The following NAT1 variants were observed in gnomAD, a reference collection of about 807,000 sequenced individuals.
The protein encoded by NAT1 is arylamine N-acetyltransferase 1.
For missense variants in NAT1, 400 were observed against 339.2 expected (o/e 1.18, Z -1.41); for synonymous variants, 144 against 122.6 (o/e 1.17, Z -1.16).
At position 18,193,383 on chromosome 8, in the gene NAT1, G is replaced by A. The variant is rs1803095149; in HGVS notation, n.93-16398G>A. Among the ~76,000 whole-genome samples, 4 of 149,620 alleles carry A rather than the reference G, an allele frequency of 2.7e-5. No homozygotes were observed. The Admixed American group carries it at 2.7e-4, about 10-fold the overall frequency. On this transcript the variant is annotated intron_variant and non_coding_transcript_variant, in intron 2 of 4. Coordinates refer to the NAT1 transcript ENST00000517441. ...AAGGCAGGAAGACTGCTTGAGCCTG[G>A]GAGGCAGGGGTTGCAGTGAGCTGAG...
chr8:18,185,528 T>G (rs1032961607), intron 2 of NAT1, among the ~76,000 whole-genome samples: 8 of 152,298 alleles, frequency 5.3e-5, no homozygotes, highest in African/African-American at 1.9e-4. Context: ...TTGGTCTTTG[T>G]GCGTTCCCTC....
At chr8:18,186,128 T>A (rs1231754106) in intron 2 of NAT1, among the ~76,000 whole-genome samples, 25 of 151,864 alleles carry the variant, frequency 1.6e-4, no homozygotes, top group Admixed American at 1.6e-3. Flanking sequence ...GAGTCAAGTT[T>A]GTTAGCCATG....
intron 2 of NAT1, among the ~76,000 whole-genome samples, chr8:18,177,577 G>A (rs866752133): frequency 4.6e-5 from 7 of 152,074 alleles, no homozygotes; most frequent in South Asian, 2.1e-4. Flanking sequence ...ACAATAATGG[G>A]TTAGTGTTTT....
rs1449628038 is a variant in NAT1 at position 18,221,877 on chromosome 8, G to A, written c.-6-165G>A. On this transcript the variant is annotated intron_variant, in intron 2 of 2. Coordinates refer to ENST00000307719, the MANE Select transcript of NAT1 (RefSeq NM_000662.8). ...TCACAGGATTCTGGGACTATTAACT[G>A]AACTTATGTGTGTAAAAGGAATTCA... 3.7e-5 allele frequency: 25 copies of A among 680,022 alleles called. No homozygotes were observed. The East Asian group carries it at 6.6e-4, about 18-fold the overall frequency. The allele number at this position is 680,022 out of a possible 1,614,324, so 42.1% of individuals were successfully genotyped here.
upstream of NAT1, among the ~76,000 whole-genome samples, chr8:18,207,316 A>G (rs1329687837): frequency 6.6e-6 from 1 of 152,106 alleles, no homozygotes; most frequent in African/African-American, 2.4e-5. Flanking sequence ...GGATGCCTCC[A>G]GCTTTGTTCT....
At chr8:18,205,668 A>G (rs962622096), upstream of NAT1, among the ~76,000 whole-genome samples, 26 of 152,314 alleles carry the variant, frequency 1.7e-4, no homozygotes, top group African/African-American at 6.0e-4. Flanking sequence ...ATTCAGACAC[A>G]TGCCAGCAAA....
In NAT1 at chr8:18,210,130, G is replaced by A. The variant is rs899598542; in HGVS notation, c.-136G>A. On this transcript the variant is annotated 5_prime_UTR_variant, in exon 1 of 3. In the 5' UTR this introduces an upstream ATG that the reference lacks. Transcript: ENST00000307719. ...GAGCACTTCCTCATAGACCTTGGAT[G>A]TGGGAGGATTGCATTCAGTCTAGTT... The A allele has an allele frequency of 6.6e-6, 1 of 152,214 alleles. No individual in the cohort carries two copies. Among genetic ancestry groups the A allele is most frequent in the Admixed American group, 6.5e-5 (1 of 15,290 alleles). The allele number at this position is 152,214 out of a possible 1,614,324, so 9.4% of individuals were successfully genotyped here.
chr8:18,205,858 G>C (rs28739048), upstream of NAT1, among the ~76,000 whole-genome samples: 794 of 152,280 alleles, frequency 5.2e-3, 10 homozygotes, highest in African/African-American at 0.018. Context: ...GCCAGGCTGG[G>C]GCCCTGGGAG....
chr8:18,173,575 A>C (rs1271106370), intron 2 of NAT1, among the ~76,000 whole-genome samples: 1 of 152,158 alleles, frequency 6.6e-6, no homozygotes, highest in East Asian at 1.9e-4. Context: ...TGAGGCACAG[A>C]AAATAGTCTC....
intron 1 of NAT1, among the ~76,000 whole-genome samples, chr8:18,211,022 C>T (rs1301756531): frequency 6.6e-6 from 1 of 152,156 alleles, no homozygotes; most frequent in South Asian, 2.1e-4. Context: ...CTAGGCTCAT[C>T]TCGAACTCCT....
intron 1 of NAT1, among the ~76,000 whole-genome samples, chr8:18,217,807 T>C (rs1804836809): frequency 6.6e-6 from 1 of 152,182 alleles, no homozygotes; most frequent in African/African-American, 2.4e-5. Flanking sequence ...TCCTGCTTTG[T>C]TTCTTTACAG....
intron 2 of NAT1, among the ~76,000 whole-genome samples, chr8:18,182,359 T>G (rs958242451): frequency 6.6e-6 from 1 of 152,224 alleles, no homozygotes; most frequent in Admixed American, 6.5e-5. Context: ...TTATACATAC[T>G]ATTAGTGCAT....
chr8:18,184,589 A>C (rs34703777), intron 2 of NAT1, among the ~76,000 whole-genome samples: 1 of 152,238 alleles, frequency 6.6e-6, no homozygotes, highest in African/African-American at 2.4e-5. Context: ...ATCAAGAATA[A>C]CAATAATTAA....
At chr8:18,190,297 G>A (rs180942674) in intron 2 of NAT1, among the ~76,000 whole-genome samples, 4 of 152,330 alleles carry the variant, frequency 2.6e-5, no homozygotes, top group Admixed American at 1.3e-4. Context: ...GTGTGAAAGT[G>A]TGTGTCCTTG....
intron 1 of NAT1, among the ~76,000 whole-genome samples, chr8:18,211,924 G>A (rs558516786): frequency 6.6e-6 from 1 of 152,326 alleles, no homozygotes; most frequent in Admixed American, 6.5e-5. Flanking sequence ...AGCAGGCGTA[G>A]ATGATTTTAT....
intron 2 of NAT1, among the ~76,000 whole-genome samples, chr8:18,174,735 C>T (rs905841324): frequency 1.3e-5 from 2 of 151,910 alleles, no homozygotes. Flanking sequence ...CGTAAGGAGT[C>T]GGGAAACCCA....
intron 2 of NAT1, among the ~76,000 whole-genome samples, chr8:18,178,654 A>G (rs1458547627): frequency 6.6e-6 from 1 of 152,172 alleles, no homozygotes; most frequent in Non-Finnish European, 1.5e-5. Context: ...GATGAATAGA[A>G]TTGCAAGGCT....
At chr8:18,205,296 GT>G (rs1253996307), upstream of NAT1, among the ~76,000 whole-genome samples, 2 of 152,156 alleles carry the variant, frequency 1.3e-5, no homozygotes, top group Non-Finnish European at 2.9e-5. Context: ...TGGGAGCTTG[GT>G]GGAGAAGCCT....
At chr8:18,196,866 CA>C (rs1342286461) in intron 2 of NAT1, among the ~76,000 whole-genome samples, 1 of 152,160 alleles carries the variant, frequency 6.6e-6, no homozygotes, top group African/African-American at 2.4e-5. Flanking sequence ...TTAGAGTTCA[CA>C]AGCACTATCA....
Sources: allele counts gnomAD v4.1 joint callset (sites outside exome capture counted in the v4.1 genomes callset), GRCh38; gene constraint gnomAD v4.1.1; transcripts MANE v1.5; gene names NCBI Gene and HGNC (gene_info 2026-07-23, HGNC 2026-07-21).